The following CSMD1 variants were observed in gnomAD, a reference collection of about 807,000 sequenced individuals.
CSMD1 encodes CUB and sushi domain-containing protein 1.
A neutral mutation model predicts 417.5 loss-of-function variants in CSMD1; 213 were observed. That is an observed-to-expected ratio of 0.51 (90% CI 0.46 to 0.57). The LOEUF is 0.57. Among genes scored for constraint, CSMD1 ranks in the 20% least tolerant of loss-of-function variants. The probability of loss-of-function intolerance (pLI) is 0.00; values close to 1 mark genes in which losing one functional copy is unlikely to be tolerated. For missense variants in CSMD1, 6,923 were observed against 4,529.7 expected (o/e 1.53, Z -15.17); for synonymous variants, 2,862 against 1,736.8 (o/e 1.65, Z -16.11).
chr8:4,087,109 G>C (rs1800461317), intron 3 of CSMD1, among the ~76,000 whole-genome samples: 2 of 152,164 alleles, frequency 1.3e-5, no homozygotes, highest in Non-Finnish European at 2.9e-5. Flanking sequence ...GGAGCAACTG[G>C]CATTCAATCT....
chr8:3,670,445 T>C (rs1248782345), intron 7 of CSMD1, among the ~76,000 whole-genome samples: 1 of 150,388 alleles, frequency 6.6e-6, no homozygotes, highest in Admixed American at 6.7e-5. Context: ...CCTTTATATA[T>C]ATATAAATAT....
intron 3 of CSMD1, among the ~76,000 whole-genome samples, chr8:4,260,274 G>C (rs1209414716): frequency 6.6e-6 from 1 of 152,198 alleles, no homozygotes; most frequent in Middle Eastern, 3.4e-3. Context: ...TGAAATTAAT[G>C]TTTGTATTTG....
intron 7 of CSMD1, among the ~76,000 whole-genome samples, chr8:3,634,827 T>G (rs1457319299): frequency 6.6e-6 from 1 of 152,138 alleles, no homozygotes; most frequent in Non-Finnish European, 1.5e-5. Flanking sequence ...AGGCGATTCT[T>G]GACGTTTTGC....
At chr8:2,970,145 G>C (rs187572991) in intron 57 of CSMD1, among the ~76,000 whole-genome samples, 8 of 152,074 alleles carry the variant, frequency 5.3e-5, no homozygotes, top group African/African-American at 1.9e-4. Context: ...GAAGTGAAAC[G>C]CAATTAAGCT....
At chr8:4,967,133 C>G (rs757314829) in intron 1 of CSMD1, among the ~76,000 whole-genome samples, 48 of 152,104 alleles carry the variant, frequency 3.2e-4, no homozygotes, top group Non-Finnish European at 5.1e-4. Context: ...AGGGTTCATT[C>G]AAAGGAAGAG....
chr8:4,723,021 C>T (rs964909003), intron 1 of CSMD1, among the ~76,000 whole-genome samples: 2 of 152,106 alleles, frequency 1.3e-5, no homozygotes, highest in African/African-American at 4.8e-5. Context: ...CACTGAGACA[C>T]TGCTATGTAA....
At chr8:4,039,470 C>T (rs1407217323) in intron 3 of CSMD1, among the ~76,000 whole-genome samples, 1 of 152,138 alleles carries the variant, frequency 6.6e-6, no homozygotes, top group East Asian at 1.9e-4. Context: ...CATTTCTTCT[C>T]TTTACTGGCT....
In CSMD1 at chr8:4,887,964, C is replaced by T. The variant is rs1027675235; in HGVS notation, c.85+106368G>A. The stretch of plus-strand genomic sequence containing the variant: ...ATGTAGTCAATATATGGTTAAATCT[C>T]ATTTTTAAAATCCAGTCTAACAATA... On this transcript the variant is annotated intron_variant, in intron 1 of 69. Transcript: ENST00000635120. Among the ~76,000 whole-genome samples, 3 of 152,030 alleles carry T rather than the reference C, an allele frequency of 2.0e-5. No homozygotes were observed. In the South Asian group the frequency reaches 6.2e-4, roughly 32 times the overall value.
At chr8:3,949,070 T>G (rs1348003258) in intron 5 of CSMD1, among the ~76,000 whole-genome samples, 1 of 152,200 alleles carries the variant, frequency 6.6e-6, no homozygotes, top group Admixed American at 6.5e-5. Flanking sequence ...AAAAGCTATT[T>G]TTAATTAATA....
intron 10 of CSMD1, among the ~76,000 whole-genome samples, chr8:3,522,369 G>A (rs1010633137): frequency 6.6e-6 from 1 of 152,188 alleles, no homozygotes; most frequent in Non-Finnish European, 1.5e-5. Flanking sequence ...TGTATGTCAG[G>A]AACAAGTATA....
chr8:3,454,024 A>G (rs1256138173), intron 12 of CSMD1, among the ~76,000 whole-genome samples: 1 of 152,150 alleles, frequency 6.6e-6, no homozygotes, highest in African/African-American at 2.4e-5. Flanking sequence ...TATTTAGGAT[A>G]GTTAGCTCTT....
intron 7 of CSMD1, among the ~76,000 whole-genome samples, chr8:3,662,188 A>C (rs1358126529): frequency 2.6e-5 from 4 of 152,254 alleles, no homozygotes; most frequent in Non-Finnish European, 5.9e-5. Context: ...GTAAACATAC[A>C]AAACTACCCT....
intron 2 of CSMD1, among the ~76,000 whole-genome samples, chr8:4,565,149 C>G: frequency 6.6e-6 from 1 of 152,224 alleles, no homozygotes; most frequent in East Asian, 1.9e-4. Flanking sequence ...CACTCAGCCT[C>G]AGACTGATTT....
At chr8:4,920,842 G>GAAAGAGAAGA (rs1806389086) in intron 1 of CSMD1, among the ~76,000 whole-genome samples, 1 of 34,582 alleles carries the variant, frequency 2.9e-5, no homozygotes, top group African/African-American at 5.0e-5. Flanking sequence ...AAAAGAGAAC[G>GAAAGAGAAGA]AAAGAAAAGA....
chr8:4,935,783 G>A (rs1002824708), intron 1 of CSMD1, among the ~76,000 whole-genome samples: 1 of 152,200 alleles, frequency 6.6e-6, no homozygotes, highest in Non-Finnish European at 1.5e-5. Flanking sequence ...GAAAGACGAG[G>A]AATACAAGAA....
At chr8:3,884,396 T>C (rs773421816) in intron 5 of CSMD1, among the ~76,000 whole-genome samples, 1 of 152,008 alleles carries the variant, frequency 6.6e-6, no homozygotes, top group Admixed American at 6.5e-5. Flanking sequence ...AAAAGTGGCA[T>C]CTTCTAGCAC....
chr8:3,426,681 T>C (rs1239651792), intron 12 of CSMD1, among the ~76,000 whole-genome samples: 2 of 152,226 alleles, frequency 1.3e-5, no homozygotes, highest in African/African-American at 4.8e-5. Flanking sequence ...ACTTTATTTT[T>C]CTTACATTAC....
chr8:3,281,755 C>T (rs1268270708), intron 26 of CSMD1, among the ~76,000 whole-genome samples: 4 of 152,170 alleles, frequency 2.6e-5, no homozygotes, highest in African/African-American at 7.2e-5. Context: ...ACTACAGATG[C>T]ATTTTTCCAA....
At chr8:3,824,527 G>C (rs968006790) in intron 5 of CSMD1, among the ~76,000 whole-genome samples, 3 of 152,190 alleles carry the variant, frequency 2.0e-5, no homozygotes, top group Admixed American at 1.3e-4. Context: ...CTTAAAGCGT[G>C]ATGAGTCTGA....
Sources: allele counts gnomAD v4.1 joint callset (sites outside exome capture counted in the v4.1 genomes callset), GRCh38; gene constraint gnomAD v4.1.1; transcripts MANE v1.5; gene names NCBI Gene and HGNC (gene_info 2026-07-23, HGNC 2026-07-21).